CAST: variants seen among roughly 807,000 people sequenced by gnomAD.
CAST encodes the protein calpastatin, also known as MIR583 host.
A neutral mutation model predicts 119.6 loss-of-function variants in CAST; 76 were observed. The ratio of observed to expected loss-of-function variants is 0.64; its 90% CI spans 0.53 to 0.77. The LOEUF is 0.77. CAST is among the 30% of genes least tolerant of loss of function. The probability of loss-of-function intolerance (pLI) is 0.00; values close to 1 mark genes in which losing one functional copy is unlikely to be tolerated. For missense variants in CAST, 953 were observed against 946.5 expected, an observed-to-expected ratio of 1.01 and a Z score of -0.09; for synonymous variants, 319 against 331.6, an observed-to-expected ratio of 0.96 and a Z score of 0.41.
At chr5:96,127,808 T>C in the CAST span, among the ~76,000 whole-genome samples, 1 of 152,150 alleles carries the variant, frequency 6.6e-6, no homozygotes. Flanking sequence ...CTAATTTTTA[T>C]ATCACTTGCT....
chr5:96,443,072 G>GA, the CAST span, among the ~76,000 whole-genome samples: 2 of 151,816 alleles, frequency 1.3e-5, no homozygotes, highest in African/African-American at 2.4e-5. Context: ...GAACTTGGGG[G>GA]AAAAAAACAG....
chr5:96,358,583 T>C, the CAST span, among the ~76,000 whole-genome samples: 2 of 152,210 alleles, frequency 1.3e-5, no homozygotes, highest in Non-Finnish European at 2.9e-5. Flanking sequence ...TTAATTTCAT[T>C]ATTTACCCAG....
the CAST span, among the ~76,000 whole-genome samples, chr5:96,420,383 TGCTGTAA>T: frequency 2.0e-5 from 3 of 152,240 alleles, no homozygotes; most frequent in Admixed American, 6.5e-5. Flanking sequence ...TCTGAGGGTC[TGCTGTAA>T]GCTCTCGAAA....
At chr5:96,524,752 G>A (rs1370997319), upstream of CAST, among the ~76,000 whole-genome samples, 1 of 152,208 alleles carries the variant, frequency 6.6e-6, no homozygotes, top group East Asian at 1.9e-4. Flanking sequence ...CCCCAAAAAT[G>A]AGACCAAAGA....
intron 1 of CAST, among the ~76,000 whole-genome samples, chr5:96,565,077 G>GGTGTGTGTGTGTGTGTGT (rs61240765): frequency 0.01 from 1,504 of 148,726 alleles, 16 homozygotes; most frequent in Middle Eastern, 0.031. Context: ...ACATGGGAAA[G>GGTGTGTGTGTGTGTGTGT]GTGTGTGTGT....
At chr5:96,165,501 GA>G in the CAST span, among the ~76,000 whole-genome samples, 1 of 151,354 alleles carries the variant, frequency 6.6e-6, no homozygotes, top group Non-Finnish European at 1.5e-5. Context: ...TGTTGGTAAA[GA>G]AAAAAAATGC....
At chr5:96,088,517 C>T in the CAST span, among the ~76,000 whole-genome samples, 2 of 152,188 alleles carry the variant, frequency 1.3e-5, no homozygotes, top group Non-Finnish European at 2.9e-5. Flanking sequence ...ATTCTCTCAG[C>T]CTGTGAAGCC....
At chr5:96,652,663 T>C (rs1748108535) in intron 1 of CAST, among the ~76,000 whole-genome samples, 1 of 152,238 alleles carries the variant, frequency 6.6e-6, no homozygotes, top group South Asian at 2.1e-4. Context: ...ATATGTGCCA[T>C]ATGTTCATTT....
chr5:96,397,618 G>T, the CAST span: 1 of 688,800 alleles, frequency 1.5e-6, no homozygotes, highest in Non-Finnish European at 2.5e-6. Context: ...ACACTCACAA[G>T]GAAAAAATAT....
intron 1 of CAST, among the ~76,000 whole-genome samples, chr5:96,572,027 C>T (rs909923767): frequency 6.6e-6 from 1 of 152,132 alleles, no homozygotes; most frequent in Non-Finnish European, 1.5e-5. Flanking sequence ...AAATGGTTTA[C>T]AAATAATAAA....
At chr5:96,148,050 C>A in the CAST span, among the ~76,000 whole-genome samples, 2 of 152,128 alleles carry the variant, frequency 1.3e-5, no homozygotes, top group East Asian at 3.8e-4. Context: ...TCTTTTCTTA[C>A]GGTGACTTCA....
intron 27 of CAST, among the ~76,000 whole-genome samples, chr5:96,767,062 A>G (rs910894490): frequency 6.6e-6 from 1 of 152,252 alleles, no homozygotes; most frequent in African/African-American, 2.4e-5. Context: ...GAAGCTGGGA[A>G]AAATCCCTGA....
chr5:96,697,705 A>C (rs764916048), intron 3 of CAST, among the ~76,000 whole-genome samples: 2 of 152,226 alleles, frequency 1.3e-5, no homozygotes, highest in Non-Finnish European at 2.9e-5. Context: ...ACACAAACAA[A>C]TATGAGTTTG....
intron 1 of CAST, among the ~76,000 whole-genome samples, chr5:96,596,367 GA>G (rs1255190829): frequency 6.6e-6 from 1 of 152,078 alleles, no homozygotes; most frequent in African/African-American, 2.4e-5. Context: ...ACTAAAAGCT[GA>G]AAAAAGCAAG....
intron 3 of CAST, among the ~76,000 whole-genome samples, chr5:96,699,462 G>A (rs1431899041): frequency 6.6e-6 from 1 of 152,230 alleles, no homozygotes; most frequent in East Asian, 1.9e-4. Context: ...CCTTACAGCA[G>A]TACTAATGCA....
the CAST span, among the ~76,000 whole-genome samples, chr5:96,385,454 G>A: frequency 6.6e-6 from 1 of 152,150 alleles, no homozygotes; most frequent in Non-Finnish European, 1.5e-5. Flanking sequence ...TTAAAATTGC[G>A]GCTTAACTGT....
chr5:96,050,163 T>A, the CAST span: 1 of 152,386 alleles, frequency 6.6e-6, no homozygotes, highest in Non-Finnish European at 1.5e-5. Flanking sequence ...GTGGTACGGC[T>A]GGAGTCCAGA....
chr5:96,333,420 G>T, the CAST span, among the ~76,000 whole-genome samples: 1 of 152,156 alleles, frequency 6.6e-6, no homozygotes, highest in Non-Finnish European at 1.5e-5. Flanking sequence ...TCTCTGACCT[G>T]CTGGGAGGCC....
At chr5:95,966,972 A>T in the CAST span, among the ~76,000 whole-genome samples, 1 of 152,140 alleles carries the variant, frequency 6.6e-6, no homozygotes, top group Non-Finnish European at 1.5e-5. Flanking sequence ...ATTCTCCCAG[A>T]TGATAATTGT....
Sources: allele counts gnomAD v4.1 joint callset (sites outside exome capture counted in the v4.1 genomes callset), GRCh38; gene constraint gnomAD v4.1.1; transcripts MANE v1.5; gene names NCBI Gene and HGNC (gene_info 2026-07-23, HGNC 2026-07-21).